The following SORBS2 variants were observed in gnomAD, a reference collection of about 807,000 sequenced individuals.
SORBS2 encodes sorbin and SH3 domain-containing protein 2.
A neutral mutation model predicts 97.7 loss-of-function variants in SORBS2; 46 were observed. That is an observed-to-expected ratio of 0.47 (90% confidence interval 0.37 to 0.60). The LOEUF is 0.60. SORBS2 is among the 20% of genes least tolerant of loss of function. The pLI is 0.00. For synonymous variants in SORBS2, 476 were observed against 473.4 expected (o/e 1.01, Z -0.07); for missense variants, 1,316 against 1,282.3 (o/e 1.03, Z -0.40).
chr4:185,874,434 T>C (rs958236783), intron 1 of SORBS2, among the ~76,000 whole-genome samples: 1 of 152,190 alleles, frequency 6.6e-6, no homozygotes, highest in African/African-American at 2.4e-5. Context: ...GTCAGTCTTG[T>C]TCAGCACCTG....
intron 1 of SORBS2, among the ~76,000 whole-genome samples, chr4:185,895,521 C>T (rs1310681128): frequency 1.3e-5 from 2 of 152,210 alleles, no homozygotes; most frequent in African/African-American, 2.4e-5. Flanking sequence ...TCATGGCGCC[C>T]GGGCGACACC....
chr4:185,806,483 A>G, intron 1 of SORBS2, among the ~76,000 whole-genome samples: 2 of 100,186 alleles, frequency 2.0e-5, no homozygotes, highest in Admixed American at 1.5e-4. Flanking sequence ...TTTGAGACGG[A>G]GTCTCGCTCT....
At chr4:185,590,485 T>A (rs1044041422) in intron 13 of SORBS2, among the ~76,000 whole-genome samples, 4 of 152,210 alleles carry the variant, frequency 2.6e-5, no homozygotes, top group Admixed American at 6.5e-5. Context: ...CTATGTGCAG[T>A]TATTACTGAT....
At chr4:185,698,603 T>C (rs2098213826) in intron 2 of SORBS2, among the ~76,000 whole-genome samples, 1 of 152,172 alleles carries the variant, frequency 6.6e-6, no homozygotes. Context: ...TACTGAATCA[T>C]ATGAGGCAGG....
At chr4:185,665,613 A>G (rs2097584206) in intron 4 of SORBS2, 1 of 272,754 alleles carries the variant, frequency 3.7e-6, no homozygotes, top group Non-Finnish European at 5.6e-6. Context: ...GACAGATGGC[A>G]TAGAATTGGT....
chr4:185,692,821 C>CAT lies in SORBS2; in HGVS notation c.-197-14000_-197-13999insAT, dbSNP rs397759600. Among the ~76,000 whole-genome samples the CAT allele has an allele frequency of 4.0e-5, 6 of 151,810 alleles. No individual in the cohort carries two copies. In the East Asian group the frequency reaches 5.8e-4, roughly 15 times the overall value. On this transcript the variant is annotated intron_variant, in intron 2 of 20. Transcript: ENST00000284776. ...ATATGTGCACACATACACACACACA[C>CAT]GTATATTTGCCTAGATTGAATTACT...
chr4:185,597,520 A>G (rs2096135922), intron 12 of SORBS2, among the ~76,000 whole-genome samples: 1 of 152,254 alleles, frequency 6.6e-6, no homozygotes. Flanking sequence ...CAAATAGGTA[A>G]AAAACAAACA....
chr4:185,748,375 T>C (rs2098777294), intron 2 of SORBS2, among the ~76,000 whole-genome samples: 1 of 152,200 alleles, frequency 6.6e-6, no homozygotes, highest in South Asian at 2.1e-4. Context: ...GGCAATATGG[T>C]CTTGAAAATA....
chr4:185,638,289 C>A, intron 4 of SORBS2, 127 bp from the exon 15 acceptor site: 1 of 696,810 alleles, frequency 1.4e-6, no homozygotes, highest in South Asian at 1.6e-5. Flanking sequence ...ACCCCACGAA[C>A]CTCAGCAGGA....
chr4:185,902,886 G>A (rs947778681), intron 1 of SORBS2, among the ~76,000 whole-genome samples: 3 of 152,116 alleles, frequency 2.0e-5, no homozygotes, highest in South Asian at 2.1e-4. Flanking sequence ...TAATTCTATG[G>A]CAAAGTAAAT....
chr4:185,933,358 G>A (rs1173780600), intron 1 of SORBS2: 2 of 152,104 alleles, frequency 1.3e-5, no homozygotes, highest in Non-Finnish European at 2.9e-5. Flanking sequence ...ATCATCTGTG[G>A]GTCTATTCGT....
At chr4:185,814,251 A>G (rs1286551950) in intron 1 of SORBS2, among the ~76,000 whole-genome samples, 1 of 151,896 alleles carries the variant, frequency 6.6e-6, no homozygotes, top group Non-Finnish European at 1.5e-5. Flanking sequence ...AGGCATAAGA[A>G]TCTCTGGCCG....
rs376001413 is a variant in SORBS2, at chr4:185,623,364, G to T, written c.1765C>A (p.Pro589Thr). The change falls in exon 7 of 15, where the codon CCC becomes ACC. Residue 589 changes from proline to threonine, a missense_variant. Coordinates refer to ENST00000418609, the Ensembl canonical transcript of SORBS2. This position sits in a 1 kb window ranked among gnomAD's most constrained non-coding sequence, Gnocchi z 6.4. ...CCAGGGTCCATTTCTTGCCTTCTGG[G>T]CTCCTCGGTGTTTTCGTGTCTGGCT... 6.2e-7 allele frequency: 1 copy of T among 1,613,528 alleles called. No homozygotes were observed. The highest frequency in any genetic ancestry group is 8.5e-7 in the Non-Finnish European group (1 of 1,180,020).
intron 2 of SORBS2, chr4:185,770,855 A>C (rs2098965912): frequency 1.3e-5 from 2 of 152,164 alleles, no homozygotes; most frequent in South Asian, 4.1e-4. Flanking sequence ...ATGACAAATG[A>C]AGTCTTCTTG....
rs1300287830 is a variant in SORBS2, at chr4:185,731,864, CTCTATA to C, written c.-198+43357_-198+43362del. Among the ~76,000 whole-genome samples, 142 of 28,996 alleles carry C rather than the reference CTCTATA, an allele frequency of 4.9e-3. 1 individual carries two copies. Among genetic ancestry groups the C allele is most frequent in the Admixed American group, 6.4e-3 (14 of 2,180 alleles). 19.0% of individuals were successfully genotyped at this position (28,996 alleles called of 152,430 possible). A position where few individuals can be genotyped will look rare whatever the true frequency, so the allele number is the denominator to read the frequency against. On this transcript the variant is annotated intron_variant, in intron 2 of 20. Coordinates refer to the SORBS2 transcript ENST00000284776. ...TCTCTCTCTCTCTCTCTCTCTCTCT[CTCTATA>C]TATATATATATATATATATATATAT...
At chr4:185,626,911 T>A in exon 6 of SORBS2, 2 of 1,614,232 alleles carry the variant, frequency 1.2e-6, no homozygotes, top group Non-Finnish European at 1.7e-6. Flanking sequence ...GGAGGTCCAC[T>A]CGGCCTGGGC....
chr4:185,927,444 C>A (rs1293124330), intron 1 of SORBS2, among the ~76,000 whole-genome samples: 3 of 151,716 alleles, frequency 2.0e-5, no homozygotes, highest in Admixed American at 6.6e-5. Context: ...CCTTGCCCCC[C>A]ACCCCCTGAC....
intron 1 of SORBS2, among the ~76,000 whole-genome samples, chr4:185,869,417 T>C (rs2149736790): frequency 6.6e-6 from 1 of 152,338 alleles, no homozygotes; most frequent in East Asian, 1.9e-4. Flanking sequence ...GGGCCCACTG[T>C]ATGACCCCTG....
At chr4:185,906,223 G>C (rs1408217346) in intron 1 of SORBS2, among the ~76,000 whole-genome samples, 1 of 152,250 alleles carries the variant, frequency 6.6e-6, no homozygotes, top group East Asian at 1.9e-4. Flanking sequence ...AGTAGAGACA[G>C]GGTTTCTCCT....
Sources: allele counts gnomAD v4.1 joint callset (sites outside exome capture counted in the v4.1 genomes callset), GRCh38; gene constraint gnomAD v4.1.1; non-coding constraint Gnocchi (gnomAD v3.1); transcripts MANE v1.5; gene names NCBI Gene and HGNC (gene_info 2026-07-23, HGNC 2026-07-21).